The following SLC23A2 variants were observed in gnomAD, a reference collection of about 807,000 sequenced individuals.
SLC23A2 encodes solute carrier family 23 member 2.
A neutral mutation model predicts 73.3 loss-of-function variants in SLC23A2; 36 were observed. That is an observed-to-expected ratio of 0.49 (90% CI 0.38 to 0.65). The LOEUF (loss-of-function observed/expected upper bound fraction) is 0.65, where lower values mean the gene tolerates loss of function less well. Ranked by LOEUF, SLC23A2 falls within the 30% of genes least tolerant of loss-of-function variation. SLC23A2 has a pLI of 0.00. For missense variants in SLC23A2, 507 were observed against 841.6 expected (o/e 0.60, Z 4.92); for synonymous variants, 343 against 327.3 (o/e 1.05, Z -0.52).
At chr20:4,886,640 T>C (rs1209769135) in intron 6 of SLC23A2, among the ~76,000 whole-genome samples, 5 of 152,338 alleles carry the variant, frequency 3.3e-5, no homozygotes, top group South Asian at 4.1e-4. Flanking sequence ...ATGAACACTT[T>C]AGCTATTCAA....
intron 3 of SLC23A2, among the ~76,000 whole-genome samples, chr20:4,920,619 A>ACCATGC (rs1416607913): frequency 1.3e-5 from 2 of 152,222 alleles, no homozygotes. Context: ...GCAGTTATAA[A>ACCATGC]AAACAATGAA....
intron 6 of SLC23A2, among the ~76,000 whole-genome samples, chr20:4,896,620 G>C (rs552510787): frequency 3.3e-5 from 5 of 152,288 alleles, no homozygotes; most frequent in Admixed American, 3.3e-4. Context: ...CCCAGGACGA[G>C]AAAGAGTGAG....
intron 5 of SLC23A2, among the ~76,000 whole-genome samples, chr20:4,901,929 T>C (rs550101052): frequency 1.9e-4 from 29 of 152,322 alleles, no homozygotes; most frequent in African/African-American, 5.8e-4. Context: ...CTCTTGCTTG[T>C]GCCCTGAACA....
Position 4,852,922 on chromosome 20 carries a change from A to C in SLC23A2, c.*4050T>G, listed in dbSNP as rs1403150182. ...CTGCTGAAAAGAGACCCCCAACGCT[A>C]ATGTGCCTTATGGGTCCATGGGCAG... On this transcript the variant is annotated 3_prime_UTR_variant, in exon 17 of 17. Transcript: ENST00000338244. This position sits in a 1 kb window ranked among gnomAD's most constrained non-coding sequence, Gnocchi z 4.3. 6.6e-6 allele frequency: 1 copy of C among 152,636 alleles called. No individual in the cohort carries two copies. The highest frequency in any genetic ancestry group is 1.5e-5 in the Non-Finnish European group (1 of 68,066). 9.5% of individuals were successfully genotyped at this position (152,636 alleles called of 1,614,324 possible).
At chr20:4,884,607 T>C in intron 8 of SLC23A2, 146 bp downstream of exon 8, 1 of 689,464 alleles carries the variant, frequency 1.5e-6, no homozygotes, top group South Asian at 1.6e-5. Context: ...CTTAACTACA[T>C]TTACTTAAAC....
chr20:4,996,617 C>T (rs546932940), intron 1 of SLC23A2, among the ~76,000 whole-genome samples: 20 of 137,514 alleles, frequency 1.5e-4, no homozygotes, highest in Middle Eastern at 8.5e-3. Context: ...ACCCGGGAGG[C>T]AGAAGTTGCA....
chr20:4,993,926 C>CA (rs1463354696), intron 1 of SLC23A2, among the ~76,000 whole-genome samples: 1 of 152,016 alleles, frequency 6.6e-6, no homozygotes, highest in Admixed American at 6.6e-5. Flanking sequence ...CCTGTCTCTA[C>CA]AAAAAATACA....
At chr20:4,983,612 C>G (rs913163282) in intron 1 of SLC23A2, among the ~76,000 whole-genome samples, 2 of 145,184 alleles carry the variant, frequency 1.4e-5, no homozygotes, top group African/African-American at 2.6e-5. Flanking sequence ...CGCCACTGCA[C>G]TCCAGCCTGG....
intron 1 of SLC23A2, among the ~76,000 whole-genome samples, chr20:4,988,692 C>T (rs1298397351): frequency 2.7e-5 from 4 of 149,596 alleles, no homozygotes; most frequent in African/African-American, 9.8e-5. Context: ...GCTGAGATCG[C>T]GCCCCTGCAC....
At position 5,000,770 on chromosome 20, in the gene SLC23A2, AT is replaced by A. The variant is rs946166409; in HGVS notation, c.-282+635del. On this transcript the variant is annotated intron_variant, in intron 1 of 16. Coordinates refer to ENST00000338244, the MANE Select transcript of SLC23A2 (RefSeq NM_005116.6). ...TTAAAGTAGTCACACTCGAAATGTC[AT>A]TTTTTCCCCCCGAAAGGTGGCAAGG... Among the ~76,000 whole-genome samples, 70 of 151,988 alleles carry A rather than the reference AT, an allele frequency of 4.6e-4. 1 individual carries two copies. Among genetic ancestry groups the A allele is most frequent in the African/African-American group, 7.7e-4 (32 of 41,340 alleles).
chr20:4,861,834 T>C, intron 15 of SLC23A2, 114 bp downstream of exon 15: 2 of 1,041,808 alleles, frequency 1.9e-6, no homozygotes. Flanking sequence ...CACAGACGCA[T>C]CTGCACCACA....
At chr20:4,984,158 CT>C (rs1568655803) in intron 1 of SLC23A2, among the ~76,000 whole-genome samples, 1 of 152,076 alleles carries the variant, frequency 6.6e-6, no homozygotes, top group Non-Finnish European at 1.5e-5. Flanking sequence ...AGTCCAGCTA[CT>C]CAGGAGCCTG....
At chr20:4,926,003 GCTGGTTACCAGGTATGTGCA>G (rs1182042206) in intron 3 of SLC23A2, among the ~76,000 whole-genome samples, 2 of 152,232 alleles carry the variant, frequency 1.3e-5, no homozygotes, top group African/African-American at 4.8e-5. Flanking sequence ...GCTGTAAGCA[GCTGGTTACCAGGTATGTGCA>G]CCAGACACAT....
chr20:4,875,815 T>TGGCA (rs1407652421), intron 9 of SLC23A2, among the ~76,000 whole-genome samples: 1 of 152,208 alleles, frequency 6.6e-6, no homozygotes, highest in East Asian at 1.9e-4. Context: ...GAGGTAGAGC[T>TGGCA]GGCAGGAAGA....
intron 3 of SLC23A2, among the ~76,000 whole-genome samples, chr20:4,928,786 C>T (rs906414184): frequency 6.6e-6 from 1 of 152,200 alleles, no homozygotes; most frequent in Non-Finnish European, 1.5e-5. Flanking sequence ...CTATGGCTTA[C>T]GTCCACATTC....
chr20:5,002,160 G>T (rs954506784), upstream of SLC23A2, among the ~76,000 whole-genome samples: 1 of 152,134 alleles, frequency 6.6e-6, no homozygotes, highest in African/African-American at 2.4e-5. Context: ...TTCTTGGACC[G>T]CTAAGCAGAA....
At chr20:4,952,103 C>CAAAAA (rs57832305) in intron 2 of SLC23A2, among the ~76,000 whole-genome samples, 8 of 40,506 alleles carry the variant, frequency 2.0e-4, no homozygotes, top group African/African-American at 4.5e-4. Context: ...GACTCTGACT[C>CAAAAA]AAAAAAAAAA....
intron 2 of SLC23A2, among the ~76,000 whole-genome samples, chr20:4,957,162 A>G (rs890472718): frequency 2.0e-5 from 3 of 152,062 alleles, no homozygotes; most frequent in African/African-American, 7.2e-5. Flanking sequence ...AAAAGAATCA[A>G]TACTCTAAGA....
chr20:4,933,088 G>A (rs1932806958), intron 2 of SLC23A2, among the ~76,000 whole-genome samples: 1 of 152,200 alleles, frequency 6.6e-6, no homozygotes, highest in East Asian at 1.9e-4. Context: ...ATCCAACAGA[G>A]TCATGTGGCT....
Sources: allele counts gnomAD v4.1 joint callset (sites outside exome capture counted in the v4.1 genomes callset), GRCh38; gene constraint gnomAD v4.1.1; non-coding constraint Gnocchi (gnomAD v3.1); transcripts MANE v1.5; gene names NCBI Gene and HGNC (gene_info 2026-07-23, HGNC 2026-07-21).